The following DGKK variants were observed in gnomAD, a reference collection of about 807,000 sequenced individuals.
DGKK encodes 142 kDa diacylglycerol kinase.
DGKK carries 35 observed loss-of-function variants against 92.2 expected under a neutral mutation model. That is an observed-to-expected ratio of 0.38 (90% CI 0.29 to 0.50). The LOEUF is 0.50. Ranked by LOEUF, DGKK falls within the 20% of genes least tolerant of loss-of-function variation. DGKK has a pLI of 0.92. For synonymous variants in DGKK, 368 were observed against 360.6 expected, an observed-to-expected ratio of 1.02 and a Z score of -0.23; for missense variants, 910 against 992.2, an observed-to-expected ratio of 0.92 and a Z score of 1.11.
chrX:50,429,556 G>T (rs1438269882), intron 1 of DGKK, among the ~76,000 whole-genome samples: 1 of 111,495 alleles, frequency 9.0e-6, no homozygotes, highest in Non-Finnish European at 1.9e-5. Context: ...GGGCGTGGTG[G>T]CGGGCGCCTG....
Position 50,388,411 on chromosome X carries a change from T to G in DGKK, c.2018+116A>C, listed in dbSNP as rs17003340. On this transcript the variant is annotated intron_variant, in intron 13 of 27. Coordinates refer to ENST00000611977, the MANE Select transcript of DGKK (RefSeq NM_001013742.4). The stretch of plus-strand genomic sequence containing the variant: ...CAGGGGGTTTGAGTTGGGAGAAATC[T>G]GATTTGGGAACATAAACATGTATTT... The G allele has an allele frequency of 0.02, 9,982 of 501,620 alleles. 768 individuals are homozygous for G. In the African/African-American group the frequency reaches 0.22, roughly 11 times the overall value. 41.3% of individuals were successfully genotyped at this position (501,620 alleles called of 1,213,427 possible).
chrX:50,402,092 G>C (rs1925022467), intron 7 of DGKK, among the ~76,000 whole-genome samples: 1 of 111,578 alleles, frequency 9.0e-6, no homozygotes, highest in Admixed American at 9.5e-5. Flanking sequence ...CACTGGTTTA[G>C]AGGCATGGTA....
intron 1 of DGKK, among the ~76,000 whole-genome samples, chrX:50,447,361 TATATATATTATATA>T (rs1926358971): frequency 6.4e-5 from 1 of 15,748 alleles, no homozygotes; most frequent in African/African-American, 3.3e-4. Flanking sequence ...ATATATAATA[TATATATATTATATA>T]TATATATAAT....
In DGKK at chrX:50,393,408, A is replaced by G. The variant is rs149840864; in HGVS notation, c.1412-73T>C. The G allele has an allele frequency of 3.8e-3, 3,392 of 904,507 alleles. 85 individuals carry two copies. The African/African-American group carries it at 0.061, about 16-fold the overall frequency. 74.5% of individuals were successfully genotyped at this position (904,507 alleles called of 1,213,427 possible). A position where few individuals can be genotyped will look rare whatever the true frequency, so the allele number is the denominator to read the frequency against. ...AGATGGAAACGAGACATGACTTAAC[A>G]TCACATTTTGCAATAACTTTTTGAG... On this transcript the variant is annotated intron_variant, in intron 8 of 27. Coordinates refer to ENST00000611977, the MANE Select transcript of DGKK (RefSeq NM_001013742.4).
intron 4 of DGKK, among the ~76,000 whole-genome samples, chrX:50,408,629 C>A (rs782429916): frequency 9.0e-6 from 1 of 110,703 alleles, no homozygotes; most frequent in Non-Finnish European, 1.9e-5. Context: ...GTGATCCGCC[C>A]GCCTCGGCCT....
chrX:50,410,368 A>G (rs1557227782), intron 4 of DGKK, among the ~76,000 whole-genome samples: 7 of 112,222 alleles, frequency 6.2e-5, no homozygotes. Context: ...CTGGACAATA[A>G]AGAAAAAGTG....
At chrX:50,452,078 A>G (rs782555925) in intron 1 of DGKK, among the ~76,000 whole-genome samples, 6 of 112,075 alleles carry the variant, frequency 5.4e-5, no homozygotes, top group Non-Finnish European at 9.4e-5. Context: ...TTTGATCCTT[A>G]GAAAAACCTT....
chrX:50,456,662 T>A (rs1926618874), intron 1 of DGKK, among the ~76,000 whole-genome samples: 2 of 111,710 alleles, frequency 1.8e-5, no homozygotes, highest in African/African-American at 6.5e-5. Context: ...GGGAGATAAA[T>A]CATCATTCTC....
chrX:50,438,014 C>CA (rs781997485), intron 1 of DGKK, among the ~76,000 whole-genome samples: 22 of 108,262 alleles, frequency 2.0e-4, no homozygotes, highest in Non-Finnish European at 3.9e-4. Flanking sequence ...CACACACACA[C>CA]AAAAAAAAAG....
intron 1 of DGKK, among the ~76,000 whole-genome samples, chrX:50,431,101 G>T (rs1370315199): frequency 9.1e-6 from 1 of 110,482 alleles, no homozygotes; most frequent in Non-Finnish European, 1.9e-5. Flanking sequence ...GCGCAATCAT[G>T]ACTCACTGTA....
At chrX:50,409,403 G>A (rs1335147432) in intron 4 of DGKK, among the ~76,000 whole-genome samples, 3 of 111,120 alleles carry the variant, frequency 2.7e-5, no homozygotes, top group East Asian at 5.7e-4. Context: ...TAGCCTCCAG[G>A]ACTCTGAGAA....
chrX:50,405,428 G>A (rs1289806608), intron 4 of DGKK, among the ~76,000 whole-genome samples: 1 of 111,157 alleles, frequency 9.0e-6, no homozygotes, highest in African/African-American at 3.3e-5. Flanking sequence ...CGTACACAGA[G>A]CTTTTCATTC....
At chrX:50,392,247 C>G (rs1352975216) in intron 10 of DGKK, 94 bp downstream of exon 10, 2 of 617,409 alleles carry the variant, frequency 3.2e-6, no homozygotes, top group Non-Finnish European at 2.6e-6. Flanking sequence ...ATTTTACAGA[C>G]AGGGAGGGCG....
At chrX:50,430,806 A>C (rs1925866382) in intron 1 of DGKK, among the ~76,000 whole-genome samples, 2 of 111,991 alleles carry the variant, frequency 1.8e-5, no homozygotes, top group African/African-American at 6.5e-5. Flanking sequence ...TGTGTAAATT[A>C]ATAAATTAAT....
chrX:50,422,447 CA>C lies in DGKK; in HGVS notation c.835del (p.Cys279ValfsTer26). Reference protein sequence around the residue: ...SSCRNLCHSFCVITPQRKITL... With the variant: ...SSCRNLCHSFXVITPQRKITL... ...TCAGTCATTCCCAATCTTACTTACA[CA>C]AAAACTGTGGCAAAGGTTTCTACAG... On this transcript the variant is annotated frameshift_variant and splice_region_variant, in exon 3 of 28. Transcript: ENST00000611977. LOFTEE classifies it high-confidence loss of function. 2 of 1,199,645 alleles carry C rather than the reference CA, an allele frequency of 1.7e-6. No homozygotes were observed. Among genetic ancestry groups the C allele is most frequent in the Non-Finnish European group, 2.3e-6 (2 of 888,594 alleles).
intron 1 of DGKK, among the ~76,000 whole-genome samples, chrX:50,431,299 A>T (rs1557230278): frequency 2.7e-5 from 3 of 111,245 alleles, no homozygotes; most frequent in African/African-American, 9.8e-5. Context: ...CCATTACAGA[A>T]ATGAGCTACC....
At chrX:50,371,508 A>G (rs1389633710) in intron 26 of DGKK, among the ~76,000 whole-genome samples, 1 of 111,241 alleles carries the variant, frequency 9.0e-6, no homozygotes, top group Non-Finnish European at 1.9e-5. Flanking sequence ...TTCCACAGTC[A>G]CCTAATTTTT....
At chrX:50,418,583 C>A (rs1925494253) in intron 4 of DGKK, among the ~76,000 whole-genome samples, 1 of 111,905 alleles carries the variant, frequency 8.9e-6, no homozygotes, top group African/African-American at 3.2e-5. Context: ...GCATATTTTA[C>A]TATTTAAGCT....
intron 1 of DGKK, among the ~76,000 whole-genome samples, chrX:50,441,033 T>C (rs1926159984): frequency 9.0e-6 from 1 of 111,548 alleles, no homozygotes; most frequent in African/African-American, 3.3e-5. Flanking sequence ...TGTTCCTAAC[T>C]TGATGAGCTT....
Sources: gnomAD v4.1 joint callset for allele counts (sites outside exome capture counted in the v4.1 genomes callset) on GRCh38, gnomAD v4.1.1 for gene constraint, MANE v1.5 for transcripts, NCBI Gene and HGNC (gene_info 2026-07-23, HGNC 2026-07-21) for gene names.